The following BABAM2 variants were observed in gnomAD, a reference collection of about 807,000 sequenced individuals.
BABAM2 encodes the protein BRISC and BRCA1-A complex member 2.
In BABAM2, 31 loss-of-function variants were observed where a neutral mutation model predicts 54.7. The ratio of observed to expected loss-of-function variants is 0.57; its 90% CI spans 0.43 to 0.77. The LOEUF (loss-of-function observed/expected upper bound fraction) is 0.77. Among genes scored for constraint, BABAM2 ranks in the 30% least tolerant of loss-of-function variants. The pLI is 0.00. For missense variants in BABAM2, 364 were observed against 455.8 expected, an observed-to-expected ratio of 0.80 and a Z score of 1.83; for synonymous variants, 167 against 162.9, an observed-to-expected ratio of 1.03 and a Z score of -0.19.
At chr2:28,116,684 A>G (rs1668645385) in intron 6 of BABAM2, among the ~76,000 whole-genome samples, 1 of 152,148 alleles carries the variant, frequency 6.6e-6, no homozygotes, top group Non-Finnish European at 1.5e-5. Flanking sequence ...GAAGAATAGC[A>G]TGGTTTTGAA....
chr2:28,212,358 C>A (rs909707651), intron 7 of BABAM2, among the ~76,000 whole-genome samples: 11 of 152,150 alleles, frequency 7.2e-5, no homozygotes, highest in African/African-American at 2.2e-4. Context: ...AGGAACTGCA[C>A]ACTTGTTTTT....
chr2:28,219,554 G>C (rs1680207502), intron 7 of BABAM2, among the ~76,000 whole-genome samples: 1 of 151,934 alleles, frequency 6.6e-6, no homozygotes, highest in Non-Finnish European at 1.5e-5. Flanking sequence ...ATAGCTTCCA[G>C]AAATGAGGGT....
At chr2:27,896,728 C>T in intron 2 of BABAM2, 1 of 196,782 alleles carries the variant, frequency 5.1e-6, no homozygotes, top group East Asian at 1.7e-4. Flanking sequence ...ATAGAGGATG[C>T]ACACCATATT....
chr2:28,169,107 A>T (rs551623656), intron 7 of BABAM2, among the ~76,000 whole-genome samples: 1 of 152,308 alleles, frequency 6.6e-6, no homozygotes, highest in Non-Finnish European at 1.5e-5. Flanking sequence ...TCCAAACTCC[A>T]GTAAGGATTG....
intron 6 of BABAM2, among the ~76,000 whole-genome samples, chr2:28,117,691 A>C (rs1344780144): frequency 6.6e-6 from 1 of 152,178 alleles, no homozygotes; most frequent in Non-Finnish European, 1.5e-5. Flanking sequence ...ATTTAGTCAC[A>C]AATCTTGAAG....
At chr2:28,337,016 A>C (rs931425593) in intron 11 of BABAM2, among the ~76,000 whole-genome samples, 10 of 152,092 alleles carry the variant, frequency 6.6e-5, no homozygotes, top group Non-Finnish European at 8.8e-5. Flanking sequence ...ATCCTAAATG[A>C]AATGGACTGT....
intron 7 of BABAM2, among the ~76,000 whole-genome samples, chr2:28,158,785 T>C (rs1337910475): frequency 6.6e-6 from 1 of 152,266 alleles, no homozygotes; most frequent in Non-Finnish European, 1.5e-5. Flanking sequence ...ATTTACACTT[T>C]GAATTTTTAC....
chr2:28,219,449 C>T (rs951360931), intron 7 of BABAM2, among the ~76,000 whole-genome samples: 2 of 152,148 alleles, frequency 1.3e-5, no homozygotes, highest in Non-Finnish European at 2.9e-5. Context: ...ATTGAGAGCC[C>T]AACCAGATAA....
At position 27,899,244 on chromosome 2, in the gene BABAM2, T is replaced by G. The variant is rs1558570723; in HGVS notation, c.128+4560T>G. 7.9e-5 allele frequency among the ~76,000 whole-genome samples: 12 copies of G among 152,352 alleles called. No individual in the cohort carries two copies. The South Asian group carries it at 2.3e-3, about 29-fold the overall frequency. On this transcript the variant is annotated intron_variant, in intron 2 of 11. Transcript: ENST00000379624. ...AGGTAATGAAGACCTGACAGGGGCC[T>G]GATGGCTAGTGGACTGGTGACTGGT...
chr2:28,005,680 A>G (rs1295925421), intron 4 of BABAM2, among the ~76,000 whole-genome samples: 1 of 152,158 alleles, frequency 6.6e-6, no homozygotes, highest in Non-Finnish European at 1.5e-5. Context: ...TCTTAGGTAT[A>G]ATTTTCAGAA....
intron 7 of BABAM2, among the ~76,000 whole-genome samples, chr2:28,202,949 C>A (rs1034748210): frequency 1.3e-5 from 2 of 152,092 alleles, no homozygotes; most frequent in Non-Finnish European, 2.9e-5. Flanking sequence ...TTAACCTCAC[C>A]TGTGTCCTCC....
intron 5 of BABAM2, among the ~76,000 whole-genome samples, chr2:28,045,305 C>G (rs945254291): frequency 6.6e-6 from 1 of 152,018 alleles, no homozygotes; most frequent in Admixed American, 6.6e-5. Flanking sequence ...GTGGTGTATG[C>G]CATCAGCCTT....
At chr2:28,027,670 T>C (rs1675974011) in intron 5 of BABAM2, among the ~76,000 whole-genome samples, 1 of 152,246 alleles carries the variant, frequency 6.6e-6, no homozygotes, top group South Asian at 2.1e-4. Context: ...TAATATTCCA[T>C]TGAATAGACA....
intron 4 of BABAM2, among the ~76,000 whole-genome samples, chr2:28,022,322 A>C (rs931727645): frequency 6.6e-6 from 1 of 152,204 alleles, no homozygotes; most frequent in Non-Finnish European, 1.5e-5. Flanking sequence ...TAGTTAACTG[A>C]TTGGAGGAAG....
At chr2:28,025,594 G>A (rs1213533435) in intron 5 of BABAM2, 174 bp downstream of exon 5, 2 of 582,230 alleles carry the variant, frequency 3.4e-6, no homozygotes, top group Admixed American at 7.9e-5. Context: ...AGTTCATTGT[G>A]TTTCTCAAAG....
chr2:28,076,876 C>A (rs1404967820), intron 6 of BABAM2, among the ~76,000 whole-genome samples: 2 of 152,070 alleles, frequency 1.3e-5, no homozygotes, highest in Non-Finnish European at 2.9e-5. Flanking sequence ...TATTTCTGTA[C>A]CATGCACTCT....
chr2:28,249,025 G>A (rs539467859), intron 10 of BABAM2, among the ~76,000 whole-genome samples: 51 of 151,302 alleles, frequency 3.4e-4, no homozygotes, highest in African/African-American at 8.3e-4. Flanking sequence ...GCCAAATCCC[G>A]TGTCAGCCTG....
At chr2:27,997,579 A>G (rs1338332415) in intron 4 of BABAM2, among the ~76,000 whole-genome samples, 1 of 152,228 alleles carries the variant, frequency 6.6e-6, no homozygotes, top group Non-Finnish European at 1.5e-5. Context: ...ATATATACAC[A>G]TATGCATACA....
intron 4 of BABAM2, chr2:28,016,050 C>T (rs1244048061): frequency 4.3e-6 from 3 of 699,844 alleles, no homozygotes; most frequent in African/African-American, 3.6e-5. Flanking sequence ...CAGTTTCTGA[C>T]ATGGACCTTT....
Sources: allele counts gnomAD v4.1 joint callset (sites outside exome capture counted in the v4.1 genomes callset), GRCh38; gene constraint gnomAD v4.1.1; transcripts MANE v1.5; gene names NCBI Gene and HGNC (gene_info 2026-07-23, HGNC 2026-07-21).